Variants in PARP8 observed in about 807,000 individuals in gnomAD.
PARP8 encodes protein mono-ADP-ribosyltransferase PARP8.
A neutral mutation model predicts 124.1 loss-of-function variants in PARP8; 51 were observed. The ratio of observed to expected loss-of-function variants is 0.41; its 90% CI spans 0.33 to 0.52. The LOEUF (loss-of-function observed/expected upper bound fraction) is 0.52, where lower values mean the gene tolerates loss of function less well. Ranked by LOEUF, PARP8 falls within the 20% of genes least tolerant of loss-of-function variation. The probability of loss-of-function intolerance (pLI) is 0.21; values close to 1 mark genes in which losing one functional copy is unlikely to be tolerated. For synonymous variants in PARP8, 391 were observed against 361.5 expected (o/e 1.08, Z -0.93); for missense variants, 860 against 1,018.9 (o/e 0.84, Z 2.12).
chr5:50,734,411 C>T (rs1280991021), intron 2 of PARP8, among the ~76,000 whole-genome samples: 1 of 152,078 alleles, frequency 6.6e-6, no homozygotes, highest in African/African-American at 2.4e-5. Flanking sequence ...TGGGCTGTCT[C>T]TGGAGAACTA....
intron 25 of PARP8, among the ~76,000 whole-genome samples, chr5:50,838,810 C>G (rs1364809693): frequency 1.3e-4 from 20 of 151,920 alleles, no homozygotes; most frequent in Admixed American, 1.3e-3. Flanking sequence ...CACTATTGTG[C>G]CTTTGTTCAG....
intron 7 of PARP8, among the ~76,000 whole-genome samples, chr5:50,766,313 A>G (rs1192614970): frequency 5.9e-5 from 9 of 152,198 alleles, no homozygotes; most frequent in Admixed American, 2.6e-4. Context: ...CTTTGCGATC[A>G]GTCTGAATAA....
chr5:50,703,559 C>T (rs1224311911), intron 2 of PARP8, among the ~76,000 whole-genome samples: 5 of 151,996 alleles, frequency 3.3e-5, no homozygotes, highest in Non-Finnish European at 5.9e-5. Context: ...TTATTGAGGG[C>T]CTGATGTATT....
chr5:50,704,397 G>A, intron 2 of PARP8, among the ~76,000 whole-genome samples: 1 of 152,090 alleles, frequency 6.6e-6, no homozygotes, highest in East Asian at 1.9e-4. Context: ...CTCTGACCAA[G>A]ATATAATTAC....
intron 2 of PARP8, among the ~76,000 whole-genome samples, chr5:50,721,551 T>C (rs912075696): frequency 2.0e-5 from 3 of 152,104 alleles, no homozygotes; most frequent in Non-Finnish European, 4.4e-5. Flanking sequence ...CAAGGACCTG[T>C]GACTTACTAA....
At chr5:50,725,717 C>T (rs899849628) in intron 2 of PARP8, among the ~76,000 whole-genome samples, 3 of 152,146 alleles carry the variant, frequency 2.0e-5, no homozygotes, top group African/African-American at 7.2e-5. Flanking sequence ...GTATACAACA[C>T]TTGTGCTCAG....
chr5:50,681,891 A>G (rs1000907119), intron 2 of PARP8, among the ~76,000 whole-genome samples: 4 of 152,150 alleles, frequency 2.6e-5, no homozygotes, highest in African/African-American at 9.7e-5. Context: ...ATGTGAATGG[A>G]AATAAAATAA....
chr5:50,809,851 A>G (rs1173080378), intron 14 of PARP8, among the ~76,000 whole-genome samples: 4 of 152,054 alleles, frequency 2.6e-5, no homozygotes, highest in African/African-American at 7.2e-5. Context: ...CCACTCATCT[A>G]CACCATGCTT....
At chr5:50,839,393 A>C (rs926605467) in intron 25 of PARP8, among the ~76,000 whole-genome samples, 2 of 152,024 alleles carry the variant, frequency 1.3e-5, no homozygotes, top group Non-Finnish European at 2.9e-5. Context: ...CTCTTAAATC[A>C]TAAATAGCTG....
intron 2 of PARP8, among the ~76,000 whole-genome samples, chr5:50,711,261 A>G (rs1461389549): frequency 1.3e-5 from 2 of 152,056 alleles, no homozygotes; most frequent in Non-Finnish European, 2.9e-5. Flanking sequence ...ACCTTTTTCC[A>G]TGCAAAGGGA....
At chr5:50,692,061 G>T (rs1034397146) in intron 2 of PARP8, among the ~76,000 whole-genome samples, 3 of 152,040 alleles carry the variant, frequency 2.0e-5, no homozygotes, top group African/African-American at 7.2e-5. Flanking sequence ...TTCCAGATTA[G>T]TCTCTCTTTA....
Position 50,691,973 on chromosome 5 carries a change from G to A in PARP8, c.146+23848G>A, listed in dbSNP as rs567838419. ...GTCAAATGGCTGATACTGAATGGTG[G>A]CTACTTTCCATTCCAACTTCCTCTA... On this transcript the variant is annotated intron_variant, in intron 2 of 25. Transcript: ENST00000281631. Among the ~76,000 whole-genome samples, 13 of 152,216 alleles carry A rather than the reference G, an allele frequency of 8.5e-5. No individual in the cohort carries two copies. The South Asian group carries it at 2.7e-3, about 32-fold the overall frequency.
intron 2 of PARP8, among the ~76,000 whole-genome samples, chr5:50,746,792 T>G (rs1384061879): frequency 6.6e-6 from 1 of 152,158 alleles, no homozygotes; most frequent in African/African-American, 2.4e-5. Context: ...TTTAGAAGGC[T>G]GAGGCAGGAA....
intron 14 of PARP8, among the ~76,000 whole-genome samples, chr5:50,806,972 G>A (rs1743914233): frequency 6.6e-6 from 1 of 152,100 alleles, no homozygotes; most frequent in Non-Finnish European, 1.5e-5. Flanking sequence ...GCCCACTGGT[G>A]ATTAAACAGG....
chr5:50,668,114 C>T lies in PARP8; in HGVS notation c.135C>T (p.Gly45=), dbSNP rs1216623282. ...CCACCTTTACTTTTACCTACGTTGG[C>T]GGCCCCAGAAGGTATTTATGTGTAT... is the stretch of plus-strand genomic sequence containing the variant. The part of the protein sequence containing the change: ...SDSTFTFTYV[G]GPRSVSYSVH... The change falls in exon 2 of 26, where the codon GGC becomes GGT. Residue 45 remains glycine, a synonymous_variant. Transcript: ENST00000281631. 4 of 1,610,896 alleles carry T rather than the reference C, an allele frequency of 2.5e-6. No individual in the cohort carries two copies. The highest frequency in any genetic ancestry group is 1.7e-5 in the Admixed American group (1 of 60,008).
chr5:50,838,696 A>G (rs1747848340), intron 25 of PARP8, among the ~76,000 whole-genome samples: 1 of 152,024 alleles, frequency 6.6e-6, no homozygotes, highest in Non-Finnish European at 1.5e-5. Context: ...ATTCTCCAAC[A>G]TATAGAGTCG....
At chr5:50,761,722 A>G (rs1465086228) in intron 5 of PARP8, 99 bp from the exon 6 acceptor site, 14 of 726,664 alleles carry the variant, frequency 1.9e-5, no homozygotes, top group Admixed American at 6.4e-5. Flanking sequence ...TATAAAATCC[A>G]TAATATATGC....
At chr5:50,768,928 G>A (rs989357484) in intron 7 of PARP8, among the ~76,000 whole-genome samples, 1 of 151,948 alleles carries the variant, frequency 6.6e-6, no homozygotes, top group East Asian at 1.9e-4. Flanking sequence ...TTGAAATCTG[G>A]CATACAAAGA....
At chr5:50,763,301 C>T (rs1318615381) in intron 7 of PARP8, 59 bp downstream of exon 7, 4 of 1,356,716 alleles carry the variant, frequency 2.9e-6, no homozygotes, top group African/African-American at 1.4e-5. Flanking sequence ...TTGAAATTTA[C>T]TTTTGGAGTA....
Sources: gnomAD v4.1 joint callset for allele counts (sites outside exome capture counted in the v4.1 genomes callset) on GRCh38, gnomAD v4.1.1 for gene constraint, MANE v1.5 for transcripts, NCBI Gene and HGNC (gene_info 2026-07-23, HGNC 2026-07-21) for gene names.